Variants in SLC29A3 observed in about 807,000 individuals in gnomAD.
SLC29A3 encodes equilibrative nucleoside transporter 3.
SLC29A3 carries 18 observed loss-of-function variants against 25.4 expected under a neutral mutation model. That is an observed-to-expected ratio of 0.71 (90% CI 0.49 to 1.05). The LOEUF is 1.05. Ranked by LOEUF, SLC29A3 falls within the 50% of genes least tolerant of loss-of-function variation. The pLI is 0.00. For missense variants in SLC29A3, 586 were observed against 609.0 expected (o/e 0.96, Z 0.40); for synonymous variants, 258 against 267.1 (o/e 0.97, Z 0.33).
rs142654523 is a variant in SLC29A3 at position 71,332,459 on chromosome 10, A to G, written c.300+9405A>G. Among the ~76,000 whole-genome samples, 160 of 152,206 alleles carry G rather than the reference A, an allele frequency of 1.1e-3. 1 individual carries two copies. Among genetic ancestry groups the G allele is most frequent in the African/African-American group, 3.5e-3 (147 of 41,528 alleles). On this transcript the variant is annotated intron_variant, in intron 2 of 5. Transcript: ENST00000373189. ...ACCACTGCACCCTACCAGCAATCCA[A>G]TGTTTAAGAGCAGAATTCCCAAGAG...
Position 71,360,390 on chromosome 10 carries a change from G to A in SLC29A3, c.774-1564G>A, listed in dbSNP as rs1379680890. ...ACTCCTAACCTCAAGTGACCCGCCC[G>A]CCTTGGCCTCCCAAAGTGCTGGGAT... On this transcript the variant is annotated intron_variant, in intron 5 of 5. Transcript: ENST00000373189. 2.6e-5 allele frequency among the ~76,000 whole-genome samples: 4 copies of A among 152,204 alleles called. No homozygotes were observed. In the East Asian group the frequency reaches 5.8e-4, roughly 22 times the overall value.
At chr10:71,375,927 T>C (rs1269605666) in intron 4 of SLC29A3, 5 of 152,202 alleles carry the variant, frequency 3.3e-5, no homozygotes, top group Admixed American at 3.3e-4. Context: ...GGGCCACTGA[T>C]TGATCCCTTT....
intron 4 of SLC29A3, among the ~76,000 whole-genome samples, chr10:71,378,099 G>GGGT: frequency 7.2e-6 from 1 of 139,616 alleles, no homozygotes; most frequent in African/African-American, 2.6e-5. Flanking sequence ...CAATGTTGGG[G>GGGT]GGGGGGGTCC....
intron 2 of SLC29A3, among the ~76,000 whole-genome samples, chr10:71,327,463 G>A (rs1181184908): frequency 4.6e-5 from 7 of 152,266 alleles, no homozygotes; most frequent in Admixed American, 2.0e-4. Flanking sequence ...GCCTGAGCCC[G>A]ACTCTGGGCC....
At chr10:71,337,061 C>A (rs1457864151) in intron 2 of SLC29A3, among the ~76,000 whole-genome samples, 4 of 152,182 alleles carry the variant, frequency 2.6e-5, no homozygotes, top group Non-Finnish European at 5.9e-5. Context: ...GATTCTGACC[C>A]CAGATTTGTC....
intron 2 of SLC29A3, among the ~76,000 whole-genome samples, chr10:71,338,711 C>T (rs1242092520): frequency 1.3e-5 from 2 of 152,100 alleles, no homozygotes; most frequent in Non-Finnish European, 2.9e-5. Context: ...CAGCCAGGAT[C>T]ATGCCACTGC....
intron 1 of SLC29A3, 186 bp downstream of exon 1, chr10:71,319,496 T>G: frequency 2.3e-6 from 1 of 427,886 alleles, no homozygotes; most frequent in Non-Finnish European, 4.1e-6. Flanking sequence ...GCCACCCCTC[T>G]TTCTGGGTCT....
In SLC29A3 at chr10:71,329,457, C is replaced by CGA. The variant is rs3059614; in HGVS notation, c.300+6403_300+6404insGA. Among the ~76,000 whole-genome samples, 125 of 120,484 alleles carry CGA rather than the reference C, an allele frequency of 1.0e-3. 8 individuals are homozygous for CGA. The highest frequency in any genetic ancestry group is 2.2e-3 in the South Asian group (8 of 3,588). 79.0% of individuals were successfully genotyped at this position (120,484 alleles called of 152,430 possible). A position where few individuals can be genotyped will look rare whatever the true frequency, so the allele number is the denominator to read the frequency against. ...TGGGCAACAGAGCAAGACTCTGTCT[C>CGA]AAAAAAAAAAAAAAAAGAAAAGAAA... On this transcript the variant is annotated intron_variant, in intron 2 of 5. Transcript: ENST00000373189.
chr10:71,346,217 C>T (rs1252265672), intron 3 of SLC29A3, among the ~76,000 whole-genome samples: 2 of 152,196 alleles, frequency 1.3e-5, no homozygotes, highest in Admixed American at 6.5e-5. Flanking sequence ...TGGCAGGGAA[C>T]GTCCAGCCTC....
At chr10:71,363,659 G>A (rs1192988767), downstream of SLC29A3, among the ~76,000 whole-genome samples, 1 of 151,936 alleles carries the variant, frequency 6.6e-6, no homozygotes, top group Admixed American at 6.6e-5. Context: ...TTTTCATAGA[G>A]ATGGGGTATT....
chr10:71,322,213 T>A (rs1486031543), intron 1 of SLC29A3, among the ~76,000 whole-genome samples: 1 of 152,130 alleles, frequency 6.6e-6, no homozygotes, highest in Non-Finnish European at 1.5e-5. Flanking sequence ...AGAGATATTC[T>A]GTGCATATAC....
At chr10:71,351,913 G>A in intron 4 of SLC29A3, 125 bp downstream of exon 4, 1 of 859,698 alleles carries the variant, frequency 1.2e-6, no homozygotes, top group Non-Finnish European at 1.9e-6. Context: ...TTGTGTTTCA[G>A]TCATCTAGTG....
chr10:71,335,439 G>A (rs555096938), intron 2 of SLC29A3, among the ~76,000 whole-genome samples: 1 of 152,322 alleles, frequency 6.6e-6, no homozygotes, highest in South Asian at 2.1e-4. Context: ...CAAGGAGGAG[G>A]GGCGTGGCAG....
chr10:71,333,937 G>A (rs1846180353), intron 2 of SLC29A3, among the ~76,000 whole-genome samples: 1 of 152,202 alleles, frequency 6.6e-6, no homozygotes, highest in African/African-American at 2.4e-5. Flanking sequence ...GAATAAAGGG[G>A]ATAAGAATCA....
At chr10:71,329,892 G>C (rs902514827) in intron 2 of SLC29A3, among the ~76,000 whole-genome samples, 1 of 152,238 alleles carries the variant, frequency 6.6e-6, no homozygotes. Context: ...CATGCAAGTC[G>C]AGTTGTCAAA....
Position 71,361,957 on chromosome 10 carries a change from C to A in SLC29A3, c.777C>A (p.Tyr259Ter), listed in dbSNP as rs1015206890. Residue 259 changes from tyrosine to a stop codon, truncating the protein, a stop_gained, in exon 6 of 6, where the codon TAC becomes TAA. Transcript: ENST00000373189. LOFTEE classifies it low-confidence loss of function (END_TRUNC). ...TGGCCCTGTCTCCTCCCTGCAGGTA[C>A]TACATGAGGCCTGTTCTTGCGGCCC... ...LLLSRLEYAR[Y>*]YMRPVLAAHV... The A allele has an allele frequency of 6.2e-7, 1 of 1,614,094 alleles. No homozygotes were observed. The highest frequency in any genetic ancestry group is 8.5e-7 in the Non-Finnish European group (1 of 1,180,026).
chr10:71,339,655 T>A (rs1352153042), intron 2 of SLC29A3, among the ~76,000 whole-genome samples: 1 of 152,134 alleles, frequency 6.6e-6, no homozygotes, highest in Non-Finnish European at 1.5e-5. Flanking sequence ...CTCAGGTTGC[T>A]TTCAACAGAT....
At position 71,333,039 on chromosome 10, in the gene SLC29A3, C is replaced by T. The variant is rs565123553; in HGVS notation, c.300+9985C>T. Among the ~76,000 whole-genome samples, 7 of 152,360 alleles carry T rather than the reference C, an allele frequency of 4.6e-5. No homozygotes were observed. The South Asian group carries it at 1.2e-3, about 27-fold the overall frequency. Reference sequence around the variant, plus strand: ...TGCATATATCCTTAAAATCCAGAGGCGATTTCCTGGACAAATTAGAAGATG... The same window carrying T: ...TGCATATATCCTTAAAATCCAGAGGTGATTTCCTGGACAAATTAGAAGATG... On this transcript the variant is annotated intron_variant, in intron 2 of 5. Coordinates refer to ENST00000373189, the MANE Select transcript of SLC29A3 (RefSeq NM_018344.6).
At chr10:71,366,578 T>C (rs1847172276), downstream of SLC29A3, among the ~76,000 whole-genome samples, 1 of 152,140 alleles carries the variant, frequency 6.6e-6, no homozygotes, top group African/African-American at 2.4e-5. Flanking sequence ...CCTACATGCA[T>C]AGGAGCTGGG....
Sources: gnomAD v4.1 joint callset for allele counts (sites outside exome capture counted in the v4.1 genomes callset) on GRCh38, gnomAD v4.1.1 for gene constraint, MANE v1.5 for transcripts, NCBI Gene and HGNC (gene_info 2026-07-23, HGNC 2026-07-21) for gene names.